Variants in UGT8 observed in about 807,000 individuals in gnomAD.
The protein encoded by UGT8 is UDP glycosyltransferase 8.
UGT8 carries 12 observed loss-of-function variants against 40.5 expected under a neutral mutation model. That is an observed-to-expected ratio of 0.30 (90% confidence interval 0.19 to 0.48). The LOEUF is 0.48. UGT8 is among the 20% of genes least tolerant of loss of function. UGT8 has a pLI of 0.99. For synonymous variants in UGT8, 224 were observed against 240.4 expected (o/e 0.93, Z 0.63); for missense variants, 513 against 648.7 (o/e 0.79, Z 2.27).
chr4:114,659,678 C>A (rs1734400055), intron 2 of UGT8, among the ~76,000 whole-genome samples: 1 of 152,146 alleles, frequency 6.6e-6, no homozygotes, highest in Non-Finnish European at 1.5e-5. Flanking sequence ...AAGGCTTATT[C>A]TGTACCTTAT....
intron 1 of UGT8, 59 bp from the exon 2 acceptor site, chr4:114,622,820 T>A (rs1168836511): frequency 7.0e-7 from 1 of 1,438,434 alleles, no homozygotes; most frequent in African/African-American, 1.4e-5. Flanking sequence ...TTGTGATTGC[T>A]TGTTTTGAAT....
intron 1 of UGT8, among the ~76,000 whole-genome samples, chr4:114,601,177 G>A (rs953761187): frequency 1.3e-5 from 2 of 152,094 alleles, no homozygotes; most frequent in Non-Finnish European, 2.9e-5. Flanking sequence ...AACCAATGCA[G>A]TAAATAAAGA....
intron 2 of UGT8, among the ~76,000 whole-genome samples, chr4:114,658,507 G>T (rs1426793485): frequency 6.6e-6 from 1 of 152,142 alleles, no homozygotes; most frequent in African/African-American, 2.4e-5. Context: ...AGCCTAGTGT[G>T]TCCCCACACC....
At chr4:114,665,097 C>T (rs991952680) in intron 3 of UGT8, among the ~76,000 whole-genome samples, 7 of 152,228 alleles carry the variant, frequency 4.6e-5, no homozygotes, top group Non-Finnish European at 1.0e-4. Flanking sequence ...TCCATTCAGA[C>T]TCTTTTGTCA....
intron 1 of UGT8, 66 bp from the exon 2 acceptor site, chr4:114,622,813 T>A: frequency 1.4e-6 from 2 of 1,401,058 alleles, no homozygotes; most frequent in Non-Finnish European, 1.9e-6. Context: ...AAATGCTTTG[T>A]GATTGCTTGT....
In UGT8 at chr4:114,623,348, T is replaced by C. The variant is rs776392383; in HGVS notation, c.468T>C (p.Ala156=). ...VIAHLLGVKY[A]VFSTGLWYPA... is the part of the protein sequence containing the mutation. ...CTCATCTTTTAGGGGTTAAATATGC[T>C]GTATTTTCAACTGGCCTTTGGTATC... The change falls in exon 2 of 6, where the codon GCT becomes GCC. Residue 156 remains alanine, a synonymous_variant. Coordinates refer to ENST00000310836, the MANE Select transcript of UGT8 (RefSeq NM_001128174.3). 1.1e-5 allele frequency: 18 copies of C among 1,614,202 alleles called. No homozygotes were observed. In the East Asian group the frequency reaches 3.6e-4, roughly 32 times the overall value.
Position 114,668,199 on chromosome 4 carries a change from C to G in UGT8, c.1157C>G (p.Thr386Ser). Residue 386 changes from threonine (T) to serine (S), a missense_variant, in exon 5 of 6, where the codon ACT becomes AGT. Transcript: ENST00000310836. ...CCACTCTTTGGAGACCATTATGATACTATGACCAGAGTACAGGCAAAAGGC... is the reference window on the plus strand; with the variant it reads ...CCACTCTTTGGAGACCATTATGATAGTATGACCAGAGTACAGGCAAAAGGC... ...GIPLFGDHYD[T>S]MTRVQAKGMG... The G allele has an allele frequency of 6.2e-7, 1 of 1,613,788 alleles. No homozygotes were observed. Among genetic ancestry groups the G allele is most frequent in the Non-Finnish European group, 8.5e-7 (1 of 1,179,826 alleles).
intron 1 of UGT8, among the ~76,000 whole-genome samples, chr4:114,609,963 G>A (rs1411437577): frequency 6.6e-6 from 1 of 152,090 alleles, no homozygotes; most frequent in African/African-American, 2.4e-5. Flanking sequence ...CTGTCTTAGA[G>A]CCAAAATATA....
In UGT8 at chr4:114,676,146, T is replaced by C. The variant is rs1346120592; in HGVS notation, c.1484T>C (p.Val495Ala). 2 of 1,614,194 alleles carry C rather than the reference T, an allele frequency of 1.2e-6. No homozygotes were observed. Among genetic ancestry groups the C allele is most frequent in the Non-Finnish European group, 1.7e-6 (2 of 1,180,022 alleles). Residue 495 changes from valine (V) to alanine (A), a missense_variant, in exon 6 of 6, where the codon GTG becomes GCG. Val to Ala is a moderately conservative substitution (Grantham distance 64). This residue lies in a region of UGT8 where 175 missense variants were observed against 186.7 expected (regional missense o/e 0.94). Coordinates refer to ENST00000310836, the MANE Select transcript of UGT8 (RefSeq NM_001128174.3). ...TTGTTATACTTTCTCTTGTCTTGGG[T>C]GACAAAATTTATCTACAGAAAAATC... ...AALLYFLLSW[V>A]TKFIYRKIKS...
intron 2 of UGT8, among the ~76,000 whole-genome samples, chr4:114,642,888 G>T (rs1251757530): frequency 1.3e-5 from 2 of 151,936 alleles, no homozygotes; most frequent in Admixed American, 1.3e-4. Context: ...TTATCTGTGG[G>T]TCTCTGAGAT....
At chr4:114,603,777 T>TG (rs1730577763) in intron 1 of UGT8, among the ~76,000 whole-genome samples, 1 of 152,146 alleles carries the variant, frequency 6.6e-6, no homozygotes, top group Non-Finnish European at 1.5e-5. Context: ...AGATAAAATC[T>TG]ATCAAGCACA....
intron 1 of UGT8, among the ~76,000 whole-genome samples, chr4:114,606,844 GT>G (rs1320781404): frequency 1.3e-5 from 2 of 152,142 alleles, no homozygotes; most frequent in Non-Finnish European, 2.9e-5. Flanking sequence ...AACTGGGTGT[GT>G]TATAGCAGGA....
At chr4:114,636,879 T>G (rs1339819370) in intron 2 of UGT8, among the ~76,000 whole-genome samples, 2 of 152,212 alleles carry the variant, frequency 1.3e-5, no homozygotes, top group Admixed American at 6.5e-5. Context: ...TTCTTAAATT[T>G]AAACCGCTTT....
chr4:114,607,848 C>T (rs1196618118), intron 1 of UGT8, among the ~76,000 whole-genome samples: 1 of 152,116 alleles, frequency 6.6e-6, no homozygotes, highest in Non-Finnish European at 1.5e-5. Context: ...TGTAGTCCCA[C>T]ATCACTTCTT....
chr4:114,631,764 G>A (rs116915007), intron 2 of UGT8, among the ~76,000 whole-genome samples: 29 of 152,268 alleles, frequency 1.9e-4, no homozygotes, highest in African/African-American at 5.1e-4. Context: ...ATAGCATTGC[G>A]TAATGTATTT....
At chr4:114,637,514 A>G (rs1299805924) in intron 2 of UGT8, among the ~76,000 whole-genome samples, 1 of 152,190 alleles carries the variant, frequency 6.6e-6, no homozygotes, top group East Asian at 1.9e-4. Flanking sequence ...AAAACCAAAG[A>G]TCTAGAGTTT....
In UGT8 at chr4:114,623,095, G is replaced by T; in HGVS notation, c.215G>T (p.Arg72Leu). ...CCATCTAATCATTACAGCCTCCAGC[G>T]CTACCCAGGGATCTTTAACAGTACC... ...IAPSNHYSLQ[R>L]YPGIFNSTTS... is the part of the protein sequence containing the mutation. Residue 72 changes from arginine (R) to leucine (L), a missense_variant, in exon 2 of 6, where the codon CGC (arginine) becomes CTC (leucine). Physicochemically the swap from Arg to Leu is moderately radical, Grantham distance 102. Coordinates refer to ENST00000310836, the MANE Select transcript of UGT8 (RefSeq NM_001128174.3). The T allele has an allele frequency of 1.2e-6, 2 of 1,614,100 alleles. No homozygotes were observed. The highest frequency in any genetic ancestry group is 1.7e-5 in the Admixed American group (1 of 60,012).
At chr4:114,669,611 C>T (rs1389349606) in intron 5 of UGT8, among the ~76,000 whole-genome samples, 7 of 152,028 alleles carry the variant, frequency 4.6e-5, no homozygotes, top group Admixed American at 2.6e-4. Flanking sequence ...CTGTGTTTTG[C>T]GAGGCATGAA....
At chr4:114,618,816 A>G (rs941323063) in intron 1 of UGT8, among the ~76,000 whole-genome samples, 30 of 152,150 alleles carry the variant, frequency 2.0e-4, no homozygotes, top group African/African-American at 7.2e-4. Context: ...TAAAAAATAT[A>G]GTGATTTTAT....
Sources: gnomAD v4.1 joint callset for allele counts (sites outside exome capture counted in the v4.1 genomes callset) on GRCh38, gnomAD v4.1.1 for gene constraint, gnomAD v4.1.1 regional missense constraint, MANE v1.5 for transcripts, NCBI Gene and HGNC (gene_info 2026-07-23, HGNC 2026-07-21) for gene names.